The following SDK1 variants were observed in gnomAD, a reference collection of about 807,000 sequenced individuals.
SDK1 encodes protein sidekick-1.
SDK1 carries 157 observed loss-of-function variants against 245.5 expected under a neutral mutation model. The observed-to-expected ratio is 0.64, with a 90% CI of 0.56 to 0.73. The LOEUF (loss-of-function observed/expected upper bound fraction) is 0.73, where lower values mean the gene tolerates loss of function less well. Ranked by LOEUF, SDK1 falls within the 30% of genes least tolerant of loss-of-function variation. The pLI is 0.00. For missense variants in SDK1, 3,583 were observed against 3,002.3 expected (o/e 1.19, Z -4.52); for synonymous variants, 1,647 against 1,278.5 (o/e 1.29, Z -6.15).
intron 4 of SDK1, among the ~76,000 whole-genome samples, chr7:3,646,109 G>A (rs1782827636): frequency 6.6e-6 from 1 of 152,082 alleles, no homozygotes; most frequent in East Asian, 1.9e-4. Context: ...CACCCACCTC[G>A]GCCTCCCAGA....
chr7:3,350,154 A>G (rs1254745150), intron 1 of SDK1, among the ~76,000 whole-genome samples: 1 of 152,212 alleles, frequency 6.6e-6, no homozygotes, highest in Non-Finnish European at 1.5e-5. Flanking sequence ...GTCTATCAGT[A>G]TATAATGGAT....
chr7:3,375,103 G>A (rs10228046), intron 1 of SDK1, among the ~76,000 whole-genome samples: 73,237 of 151,738 alleles, frequency 0.48, 18,895 homozygotes, highest in East Asian at 0.61. Context: ...CGCATTTTCC[G>A]ATAGTGTCTA....
chr7:4,143,705 A>T (rs1779745702), intron 28 of SDK1, among the ~76,000 whole-genome samples: 1 of 152,156 alleles, frequency 6.6e-6, no homozygotes, highest in Middle Eastern at 3.4e-3. Context: ...TGGCGAGGGG[A>T]TGCTCTCCCT....
intron 44 of SDK1, among the ~76,000 whole-genome samples, chr7:4,258,281 C>G (rs1787749375): frequency 6.6e-6 from 1 of 152,168 alleles, no homozygotes; most frequent in African/African-American, 2.4e-5. Flanking sequence ...CCCTTCCGAA[C>G]CACCCCTAGG....
chr7:3,491,375 A>C (rs1292898971), intron 1 of SDK1, among the ~76,000 whole-genome samples: 1 of 152,248 alleles, frequency 6.6e-6, no homozygotes, highest in African/African-American at 2.4e-5. Context: ...AGTATTTTGC[A>C]AAGTTCCCAA....
intron 1 of SDK1, among the ~76,000 whole-genome samples, chr7:3,318,584 TG>T (rs1779720304): frequency 6.6e-6 from 1 of 152,226 alleles, no homozygotes; most frequent in Admixed American, 6.5e-5. Context: ...ACTTGTTTCG[TG>T]ACCTTTTGTC....
chr7:4,099,267 G>A (rs1231175135), intron 22 of SDK1, among the ~76,000 whole-genome samples: 6 of 151,306 alleles, frequency 4.0e-5, no homozygotes, highest in Non-Finnish European at 5.9e-5. Flanking sequence ...CCAACAGATC[G>A]AGAGACAAAT....
chr7:3,956,652 G>A (rs1781286995), intron 7 of SDK1, among the ~76,000 whole-genome samples: 1 of 152,218 alleles, frequency 6.6e-6, no homozygotes, highest in Non-Finnish European at 1.5e-5. Context: ...GCGGTGGCAG[G>A]CTGCCCCCCA....
At chr7:4,029,513 T>G (rs543595860) in intron 17 of SDK1, among the ~76,000 whole-genome samples, 1 of 149,678 alleles carries the variant, frequency 6.7e-6, no homozygotes, top group East Asian at 1.9e-4. Context: ...GCCCTGCCGA[T>G]TTTCTTTCAT....
At chr7:3,969,216 G>A (rs143789100) in intron 10 of SDK1, 41 bp from the exon 11 acceptor site, 40 of 1,507,692 alleles carry the variant, frequency 2.7e-5, no homozygotes, top group South Asian at 8.1e-5. Context: ...TCCTTCAAGC[G>A]TTACGACTGT....
chr7:3,504,574 T>G (rs1343696377), intron 1 of SDK1, among the ~76,000 whole-genome samples: 1 of 152,180 alleles, frequency 6.6e-6, no homozygotes, highest in Non-Finnish European at 1.5e-5. Flanking sequence ...AGAATAGTCT[T>G]GTCAGCAAAT....
intron 14 of SDK1, 110 bp from the exon 15 acceptor site, chr7:4,010,856 C>G: frequency 9.0e-7 from 1 of 1,105,998 alleles, no homozygotes; most frequent in Non-Finnish European, 1.3e-6. Flanking sequence ...TCTCCTAGAG[C>G]TGTCCTGCTA....
intron 22 of SDK1, among the ~76,000 whole-genome samples, chr7:4,095,023 G>A (rs1562801111): frequency 6.6e-6 from 1 of 152,176 alleles, no homozygotes; most frequent in Non-Finnish European, 1.5e-5. Context: ...CGTTAGCTCT[G>A]GCCTGAGGGT....
At chr7:3,692,661 G>C (rs376100693) in intron 4 of SDK1, among the ~76,000 whole-genome samples, 1 of 151,568 alleles carries the variant, frequency 6.6e-6, no homozygotes, top group Admixed American at 6.6e-5. Flanking sequence ...TCTAGAATTG[G>C]AATTACTTGG....
At position 4,104,578 on chromosome 7, in the gene SDK1, T is replaced by C. The variant is rs1175054115; in HGVS notation, c.3325-6085T>C. Among the ~76,000 whole-genome samples, 4 of 152,246 alleles carry C rather than the reference T, an allele frequency of 2.6e-5. No homozygotes were observed. The East Asian group carries it at 7.7e-4, about 29-fold the overall frequency. On this transcript the variant is annotated intron_variant, in intron 22 of 44. Coordinates refer to ENST00000404826, the MANE Select transcript of SDK1 (RefSeq NM_152744.4). ...ATTGAGCATTCTTTCTTTCATTCAC[T>C]CTACATACTTTGACATATATTCCCC... is the stretch of plus-strand genomic sequence containing the variant.
intron 35 of SDK1, among the ~76,000 whole-genome samples, chr7:4,180,403 T>TGGCTCCAGCTCTATGCCCAGCGCCC (rs1782532998): frequency 9.6e-6 from 1 of 103,724 alleles, no homozygotes; most frequent in Non-Finnish European, 2.0e-5. Context: ...GCCCAGCGCC[T>TGGCTCCAGCTCTATGCCCAGCGCCC]GGCTCCAGCT....
chr7:3,985,133 C>CTG (rs1783724052), intron 13 of SDK1, among the ~76,000 whole-genome samples: 1 of 151,734 alleles, frequency 6.6e-6, no homozygotes, highest in Non-Finnish European at 1.5e-5. Context: ...CAGACCCATC[C>CTG]TGGAAGGATC....
At chr7:3,671,376 C>G (rs1180263167) in intron 4 of SDK1, among the ~76,000 whole-genome samples, 1 of 152,166 alleles carries the variant, frequency 6.6e-6, no homozygotes, top group East Asian at 1.9e-4. Context: ...TATTTATAGT[C>G]ACAAATTTAA....
chr7:4,046,208 C>T (rs1007297755), intron 17 of SDK1, among the ~76,000 whole-genome samples: 2 of 152,142 alleles, frequency 1.3e-5, no homozygotes, highest in African/African-American at 4.8e-5. Context: ...TCCCAAAGTT[C>T]TGGCATTCCA....
Sources: allele counts gnomAD v4.1 joint callset (sites outside exome capture counted in the v4.1 genomes callset), GRCh38; gene constraint gnomAD v4.1.1; transcripts MANE v1.5; gene names NCBI Gene and HGNC (gene_info 2026-07-23, HGNC 2026-07-21).